Variants in CDH11 observed in about 807,000 individuals in gnomAD.
CDH11 encodes cadherin-11.
Under a neutral mutation model 67.8 loss-of-function variants are expected in CDH11, and 11 were observed. That is an observed-to-expected ratio of 0.16 (90% CI 0.10 to 0.27). The LOEUF is 0.27. Among genes scored for constraint, CDH11 ranks in the 10% least tolerant of loss-of-function variants. CDH11 has a pLI of 1.00. For missense variants in CDH11, 847 were observed against 1,031.2 expected (o/e 0.82, Z 2.45); for synonymous variants, 419 against 400.0 (o/e 1.05, Z -0.57).
At chr16:65,066,326 C>T (rs1023361720) in intron 1 of CDH11, among the ~76,000 whole-genome samples, 51 of 152,188 alleles carry the variant, frequency 3.4e-4, no homozygotes, top group African/African-American at 1.1e-3. Context: ...GCATCATCTC[C>T]GCCAACCACT....
chr16:65,079,037 A>G (rs1047644396), intron 1 of CDH11, among the ~76,000 whole-genome samples: 3 of 152,222 alleles, frequency 2.0e-5, no homozygotes, highest in Non-Finnish European at 4.4e-5. Flanking sequence ...AGCAAGGTCC[A>G]CTTCATGAAT....
chr16:65,075,067 G>A (rs1346698102), intron 1 of CDH11, among the ~76,000 whole-genome samples: 1 of 152,136 alleles, frequency 6.6e-6, no homozygotes, highest in Non-Finnish European at 1.5e-5. Flanking sequence ...ACATAAGCAG[G>A]CTGAATTCAT....
intron 4 of CDH11, 140 bp downstream of exon 4, chr16:64,998,422 G>T (rs544818538): frequency 3.8e-5 from 30 of 786,538 alleles, no homozygotes; most frequent in African/African-American, 2.9e-4. Context: ...AGGAACAAAA[G>T]AATTTTTGTT....
intron 2 of CDH11, among the ~76,000 whole-genome samples, chr16:65,042,084 T>C (rs1211561978): frequency 6.6e-6 from 1 of 152,208 alleles, no homozygotes; most frequent in Non-Finnish European, 1.5e-5. Flanking sequence ...AATAATTGGC[T>C]ATTGGTGTAG....
intron 1 of CDH11, among the ~76,000 whole-genome samples, chr16:65,063,145 G>A (rs2074259351): frequency 6.6e-6 from 1 of 152,202 alleles, no homozygotes. Context: ...TATTTTCATA[G>A]GAAGCTTTAT....
chr16:65,027,632 C>G (rs1001654793), intron 2 of CDH11, among the ~76,000 whole-genome samples: 1 of 152,188 alleles, frequency 6.6e-6, no homozygotes, highest in Admixed American at 6.5e-5. Flanking sequence ...TTAGTGCCTT[C>G]CTGATAAGAT....
chr16:65,107,465 G>A (rs1406762002), intron 1 of CDH11, among the ~76,000 whole-genome samples: 3 of 152,094 alleles, frequency 2.0e-5, no homozygotes. Context: ...CTGCCAGAGG[G>A]TACTCACAGG....
chr16:65,087,900 T>A (rs1329391339), intron 1 of CDH11, among the ~76,000 whole-genome samples: 1 of 152,100 alleles, frequency 6.6e-6, no homozygotes, highest in Non-Finnish European at 1.5e-5. Context: ...TAATTAATCA[T>A]CATGGAAGAA....
At chr16:65,025,796 T>C (rs372506555) in intron 2 of CDH11, among the ~76,000 whole-genome samples, 1 of 152,298 alleles carries the variant, frequency 6.6e-6, no homozygotes, top group East Asian at 1.9e-4. Flanking sequence ...TCATTTCAGG[T>C]ACATAGGCAT....
chr16:65,026,340 A>T (rs536084485), intron 2 of CDH11, among the ~76,000 whole-genome samples: 1 of 152,252 alleles, frequency 6.6e-6, no homozygotes, highest in Non-Finnish European at 1.5e-5. Context: ...TTTGGTCTGT[A>T]TTTAGTTCAT....
chr16:64,999,390 A>G (rs1036697330), intron 3 of CDH11, among the ~76,000 whole-genome samples: 1 of 152,226 alleles, frequency 6.6e-6, no homozygotes, highest in Non-Finnish European at 1.5e-5. Flanking sequence ...TTGTTATACA[A>G]TAAAGTTCCA....
chr16:64,997,126 C>T (rs979327313), intron 4 of CDH11, among the ~76,000 whole-genome samples: 8 of 151,646 alleles, frequency 5.3e-5, no homozygotes, highest in Non-Finnish European at 8.8e-5. Context: ...TGTGAAACCC[C>T]GTCCGTAATA....
intron 12 of CDH11, chr16:64,948,627 C>T (rs752657036): frequency 6.2e-7 from 1 of 1,611,886 alleles, no homozygotes; most frequent in Non-Finnish European, 8.5e-7. Context: ...TGGTTGGACT[C>T]TCTGTAGCCA....
chr16:65,072,366 GAGA>G (rs1343437508), intron 1 of CDH11: 1 of 152,450 alleles, frequency 6.6e-6, no homozygotes, highest in Admixed American at 6.5e-5. Context: ...AAAACAGGCA[GAGA>G]AGAAGCCAAG....
intron 1 of CDH11, among the ~76,000 whole-genome samples, chr16:65,118,134 C>T (rs2075274002): frequency 6.6e-6 from 1 of 152,196 alleles, no homozygotes; most frequent in Non-Finnish European, 1.5e-5. Context: ...AGATGGGCTC[C>T]ATGCAGACAG....
At chr16:65,043,893 G>A (rs2073909423) in intron 2 of CDH11, among the ~76,000 whole-genome samples, 1 of 152,000 alleles carries the variant, frequency 6.6e-6, no homozygotes, top group Non-Finnish European at 1.5e-5. Flanking sequence ...TCTGGGCAGG[G>A]GACAACTCTG....
At position 64,998,369 on chromosome 16, in the gene CDH11, C is replaced by T. The variant is rs371299754; in HGVS notation, c.523+193G>A. ...GCACTAGCGACTGGATGTATATTATCTCTATTCCTACAAGACTAGAAATTG... is the reference window on the plus strand; with the variant it reads ...GCACTAGCGACTGGATGTATATTATTTCTATTCCTACAAGACTAGAAATTG... On this transcript the variant is annotated intron_variant, in intron 4 of 12. Coordinates refer to ENST00000268603, the MANE Select transcript of CDH11 (RefSeq NM_001797.4). 9.5e-4 allele frequency among the ~76,000 whole-genome samples: 145 copies of T among 152,372 alleles called. 2 individuals are homozygous for T. The South Asian group carries it at 0.024, about 25-fold the overall frequency.
At chr16:65,031,461 T>A (rs1030633864) in intron 2 of CDH11, among the ~76,000 whole-genome samples, 8 of 152,158 alleles carry the variant, frequency 5.3e-5, no homozygotes, top group Admixed American at 6.5e-5. Context: ...TATGAGGCAG[T>A]TGGTCAAGAA....
At chr16:65,066,026 G>A (rs151177666) in intron 1 of CDH11, among the ~76,000 whole-genome samples, 14 of 152,294 alleles carry the variant, frequency 9.2e-5, no homozygotes, top group East Asian at 3.9e-4. Flanking sequence ...ACGCCAGAGC[G>A]TCCTCTCTTA....
Sources: gnomAD v4.1 joint callset for allele counts (sites outside exome capture counted in the v4.1 genomes callset) on GRCh38, gnomAD v4.1.1 for gene constraint, MANE v1.5 for transcripts, NCBI Gene and HGNC (gene_info 2026-07-23, HGNC 2026-07-21) for gene names.